The following SNX29 variants were observed in gnomAD, a reference collection of about 807,000 sequenced individuals.
SNX29 encodes sorting nexin-29.
SNX29 carries 78 observed loss-of-function variants against 102.1 expected under a neutral mutation model. The observed-to-expected ratio is 0.76, with a 90% CI of 0.64 to 0.92. SNX29 has a LOEUF of 0.92. Among genes scored for constraint, SNX29 ranks in the 40% least tolerant of loss-of-function variants. The pLI is 0.00. For synonymous variants in SNX29, 580 were observed against 414.5 expected, an observed-to-expected ratio of 1.40 and a Z score of -4.85; for missense variants, 1,280 against 1,061.7, an observed-to-expected ratio of 1.21 and a Z score of -2.86.
At chr16:12,433,513 C>G (rs1025954665) in intron 18 of SNX29, among the ~76,000 whole-genome samples, 8 of 151,762 alleles carry the variant, frequency 5.3e-5, no homozygotes, top group African/African-American at 1.9e-4. Flanking sequence ...TGCCTGTAGT[C>G]CCAGCTACTA....
chr16:12,014,511 T>C (rs1316480890), intron 3 of SNX29, among the ~76,000 whole-genome samples: 1 of 151,924 alleles, frequency 6.6e-6, no homozygotes, highest in Non-Finnish European at 1.5e-5. Flanking sequence ...GGAGCACAGA[T>C]CACCTGAGGT....
chr16:12,570,655 C>T lies in SNX29; in HGVS notation c.*2026C>T, dbSNP rs945038372. On this transcript the variant is annotated 3_prime_UTR_variant, in exon 21 of 21. Coordinates refer to ENST00000566228, the MANE Select transcript of SNX29 (RefSeq NM_032167.5). ...GAACCTCCCCCATCTGTGACATTCC[C>T]TTGGGCCCAGGCTTATGACCTGCAC... is the stretch of plus-strand genomic sequence containing the variant. 3 of 231,948 alleles carry T rather than the reference C, an allele frequency of 1.3e-5. No homozygotes were observed. Among genetic ancestry groups the T allele is most frequent in the Non-Finnish European group, 2.6e-5 (3 of 117,350 alleles). The allele number at this position is 231,948 out of a possible 1,614,324, so 14.4% of individuals were successfully genotyped here. A position where few individuals can be genotyped will look rare whatever the true frequency, so the allele number is the denominator to read the frequency against.
At chr16:12,542,921 A>C (rs1456424183) in intron 20 of SNX29, among the ~76,000 whole-genome samples, 2 of 152,174 alleles carry the variant, frequency 1.3e-5, no homozygotes, top group African/African-American at 2.4e-5. Flanking sequence ...TTTGCTTAGC[A>C]AAACTATAGA....
intron 20 of SNX29, among the ~76,000 whole-genome samples, chr16:12,531,018 C>G (rs1005886151): frequency 6.6e-6 from 1 of 152,264 alleles, no homozygotes. Context: ...TCGATGGATA[C>G]ACATTTTGGC....
intron 16 of SNX29, among the ~76,000 whole-genome samples, chr16:12,394,928 A>T (rs1242294402): frequency 6.6e-6 from 1 of 152,094 alleles, no homozygotes; most frequent in Non-Finnish European, 1.5e-5. Context: ...TGGTGGTGTC[A>T]TGCTTGCACA....
In SNX29 at chr16:12,225,856, A is replaced by G. The variant is rs375002755; in HGVS notation, c.1678+26173A>G. Among the ~76,000 whole-genome samples, 31 of 152,310 alleles carry G rather than the reference A, an allele frequency of 2.0e-4. 1 individual carries two copies. The East Asian group carries it at 2.1e-3, about 10-fold the overall frequency. On this transcript the variant is annotated intron_variant, in intron 14 of 20. Transcript: ENST00000566228. ...GCCCACATTGACTTGGGCACCCTCA[A>G]TGTAGTTAACTCCACAATAATACAC... is the stretch of plus-strand genomic sequence containing the variant.
intron 13 of SNX29, among the ~76,000 whole-genome samples, chr16:12,143,364 T>A (rs2054934335): frequency 6.6e-6 from 1 of 152,190 alleles, no homozygotes. Context: ...GGGGCTACTC[T>A]GAGCAGGAAG....
intron 9 of SNX29, among the ~76,000 whole-genome samples, chr16:12,064,020 T>G (rs770362768): frequency 2.6e-5 from 4 of 151,762 alleles, no homozygotes; most frequent in Admixed American, 1.3e-4. Context: ...CCTGGGGAGT[T>G]TTGAATGTGT....
chr16:12,265,056 A>C (rs771040474), intron 14 of SNX29, among the ~76,000 whole-genome samples: 1 of 152,214 alleles, frequency 6.6e-6, no homozygotes, highest in Non-Finnish European at 1.5e-5. Flanking sequence ...GTTTAAAAAC[A>C]GCATTTGGGG....
intron 11 of SNX29, among the ~76,000 whole-genome samples, chr16:12,117,756 T>G (rs1418105053): frequency 2.0e-5 from 3 of 152,198 alleles, no homozygotes; most frequent in African/African-American, 4.8e-5. Flanking sequence ...TTCAAATGGT[T>G]AATTTTATGT....
In SNX29 at chr16:12,572,105, T is replaced by G; in HGVS notation, c.*3476T>G. 9.5e-7 allele frequency: 1 copy of G among 1,051,948 alleles called. No homozygotes were observed. The highest frequency in any genetic ancestry group is 1.2e-6 in the Non-Finnish European group (1 of 867,562). The allele number at this position is 1,051,948 out of a possible 1,614,324, so 65.2% of individuals were successfully genotyped here. Reference sequence around the variant, plus strand: ...AGGAAGGGGAGGGATGTGGACTGGGTCTGATCACAGCCCTTGGCCCTGCTT... The same window carrying G: ...AGGAAGGGGAGGGATGTGGACTGGGGCTGATCACAGCCCTTGGCCCTGCTT... On this transcript the variant is annotated 3_prime_UTR_variant, in exon 21 of 21. Coordinates refer to ENST00000566228, the MANE Select transcript of SNX29 (RefSeq NM_032167.5).
At chr16:12,450,209 C>T (rs1232627501) in intron 18 of SNX29, among the ~76,000 whole-genome samples, 1 of 152,182 alleles carries the variant, frequency 6.6e-6, no homozygotes, top group African/African-American at 2.4e-5. Flanking sequence ...TACCCAGTCT[C>T]AGTATGTCCT....
At chr16:12,203,738 C>T (rs1245011491) in intron 14 of SNX29, among the ~76,000 whole-genome samples, 1 of 152,222 alleles carries the variant, frequency 6.6e-6, no homozygotes, top group Admixed American at 6.5e-5. Context: ...TTCTCTTGGA[C>T]TCTTCCCAGG....
At chr16:12,174,618 G>A (rs1013851845) in intron 13 of SNX29, among the ~76,000 whole-genome samples, 3 of 152,172 alleles carry the variant, frequency 2.0e-5, no homozygotes, top group Non-Finnish European at 2.9e-5. Flanking sequence ...CTCTTGTGGC[G>A]TTCACCAGTT....
At chr16:12,224,771 A>G (rs1235277734) in intron 14 of SNX29, among the ~76,000 whole-genome samples, 3 of 152,182 alleles carry the variant, frequency 2.0e-5, no homozygotes, top group Admixed American at 6.5e-5. Context: ...CACCAAGACA[A>G]GCCTGATGGA....
At chr16:12,425,550 AAAAT>A (rs1195402635) in intron 18 of SNX29, among the ~76,000 whole-genome samples, 4,625 of 86,048 alleles carry the variant, frequency 0.054, 250 homozygotes, top group Non-Finnish European at 0.099. Flanking sequence ...AAAAATAAAA[AAAAT>A]AAAAAGAGGG....
At chr16:12,000,017 C>A (rs145474796) in intron 2 of SNX29, among the ~76,000 whole-genome samples, 33 of 151,952 alleles carry the variant, frequency 2.2e-4, no homozygotes, top group African/African-American at 8.0e-4. Flanking sequence ...GAGTTAGGAC[C>A]CTCGAGCACA....
chr16:12,007,317 C>T (rs1188670136), intron 3 of SNX29, among the ~76,000 whole-genome samples: 1 of 152,130 alleles, frequency 6.6e-6, no homozygotes, highest in East Asian at 1.9e-4. Context: ...CCAGCCTGGC[C>T]AACATGGCAA....
chr16:12,446,109 G>T (rs1417126596), intron 18 of SNX29, among the ~76,000 whole-genome samples: 1 of 147,444 alleles, frequency 6.8e-6, no homozygotes, highest in African/African-American at 2.5e-5. Flanking sequence ...AGCCTGGAGT[G>T]CAGCGGTGCA....
Sources: gnomAD v4.1 joint callset for allele counts (sites outside exome capture counted in the v4.1 genomes callset) on GRCh38, gnomAD v4.1.1 for gene constraint, MANE v1.5 for transcripts, NCBI Gene and HGNC (gene_info 2026-07-23, HGNC 2026-07-21) for gene names.